The following HMG20A variants were observed in gnomAD, a reference collection of about 807,000 sequenced individuals.
HMG20A encodes high mobility group 20A, also known as high mobility group protein 20A.
HMG20A carries 17 observed loss-of-function variants against 43.9 expected under a neutral mutation model. That is an observed-to-expected ratio of 0.39 (90% CI 0.27 to 0.58). The LOEUF (loss-of-function observed/expected upper bound fraction) is 0.58. Among genes scored for constraint, HMG20A ranks in the 20% least tolerant of loss-of-function variants. HMG20A has a pLI of 0.59. For missense variants in HMG20A, 341 were observed against 438.2 expected (o/e 0.78, Z 1.98); for synonymous variants, 132 against 147.5 (o/e 0.89, Z 0.76).
At chr15:77,451,980 C>T (rs1196659058) in intron 1 of HMG20A, among the ~76,000 whole-genome samples, 1 of 152,122 alleles carries the variant, frequency 6.6e-6, no homozygotes, top group Non-Finnish European at 1.5e-5. Flanking sequence ...TAGTCTCACT[C>T]CTTACAAATA....
At chr15:77,430,876 A>G (rs1211305238) in intron 1 of HMG20A, among the ~76,000 whole-genome samples, 3 of 152,232 alleles carry the variant, frequency 2.0e-5, no homozygotes, top group African/African-American at 7.2e-5. Flanking sequence ...GAAGTCTAAC[A>G]TACATATGAC....
At chr15:77,436,776 C>T (rs2073553578) in intron 1 of HMG20A, among the ~76,000 whole-genome samples, 1 of 152,130 alleles carries the variant, frequency 6.6e-6, no homozygotes, top group South Asian at 2.1e-4. Flanking sequence ...CATTCTTACA[C>T]ATCTATTCTT....
At chr15:77,509,484 A>T in the HMG20A span, among the ~76,000 whole-genome samples, 11,897 of 150,268 alleles carry the variant, frequency 0.079, 599 homozygotes, top group Non-Finnish European at 0.11. Context: ...TGAAATCCTG[A>T]TCTCAGGTGA....
chr15:77,499,534 C>A, the HMG20A span, among the ~76,000 whole-genome samples: 844 of 150,964 alleles, frequency 5.6e-3, 13 homozygotes, highest in Admixed American at 0.022. Context: ...TGCTCCCCCC[C>A]ACACACACAC....
chr15:77,437,177 C>T (rs1363688842), intron 1 of HMG20A, among the ~76,000 whole-genome samples: 3 of 152,168 alleles, frequency 2.0e-5, no homozygotes, highest in African/African-American at 7.2e-5. Context: ...TGTTCTTTTC[C>T]TTCAGAGCAT....
chr15:77,498,438 C>G, the HMG20A span, among the ~76,000 whole-genome samples: 1 of 152,174 alleles, frequency 6.6e-6, no homozygotes, highest in Non-Finnish European at 1.5e-5. Flanking sequence ...TAATTTTACA[C>G]TCTGCAAAAC....
chr15:77,494,501 C>T, the HMG20A span, among the ~76,000 whole-genome samples: 4 of 152,168 alleles, frequency 2.6e-5, no homozygotes, highest in African/African-American at 9.7e-5. Context: ...CCAAGTGAGA[C>T]TTTTCCATTG....
At chr15:77,462,799 G>A (rs1448744866) in intron 2 of HMG20A, among the ~76,000 whole-genome samples, 4 of 125,122 alleles carry the variant, frequency 3.2e-5, no homozygotes, top group Non-Finnish European at 6.5e-5. Flanking sequence ...TTGAGACTGA[G>A]TCTTACTCTG....
the HMG20A span, among the ~76,000 whole-genome samples, chr15:77,503,930 G>C: frequency 1.3e-5 from 2 of 152,176 alleles, no homozygotes; most frequent in African/African-American, 2.4e-5. Context: ...TGTACACACA[G>C]CTCAAAAGCA....
At chr15:77,439,510 C>G (rs1312304757) in intron 1 of HMG20A, among the ~76,000 whole-genome samples, 1 of 152,082 alleles carries the variant, frequency 6.6e-6, no homozygotes, top group Non-Finnish European at 1.5e-5. Context: ...TCTCGTGGGT[C>G]TGGCTTCTTG....
At chr15:77,479,023 C>T (rs768298088) in intron 8 of HMG20A, among the ~76,000 whole-genome samples, 156 bp from the exon 9 acceptor site, 15 of 152,298 alleles carry the variant, frequency 9.8e-5, no homozygotes, top group Admixed American at 5.2e-4. Flanking sequence ...AGTATGTGGA[C>T]TAATTTCATT....
rs937332329 is a variant in HMG20A at position 77,471,647 on chromosome 15, C to A, written c.584-136C>A. On this transcript the variant is annotated intron_variant, in intron 5 of 9. Coordinates refer to ENST00000336216, the MANE Select transcript of HMG20A (RefSeq NM_001304504.2). Reference sequence around the variant, plus strand: ...TTTGTTGGCTGACCGATTAATAAAGCCTTAAGGAAAAATATCATATGTTAT... The same window carrying A: ...TTTGTTGGCTGACCGATTAATAAAGACTTAAGGAAAAATATCATATGTTAT... 6.2e-6 allele frequency: 4 copies of A among 641,066 alleles called. No individual in the cohort carries two copies. The East Asian group carries it at 1.2e-4, about 19-fold the overall frequency. The allele number at this position is 641,066 out of a possible 1,614,324, so 39.7% of individuals were successfully genotyped here.
intron 2 of HMG20A, among the ~76,000 whole-genome samples, chr15:77,463,774 A>G (rs571935647): frequency 2.6e-5 from 4 of 152,248 alleles, no homozygotes; most frequent in Admixed American, 2.0e-4. Context: ...GAAATAGCCA[A>G]TGAAATGTAC....
the HMG20A span, among the ~76,000 whole-genome samples, chr15:77,512,972 G>C: frequency 2.0e-5 from 3 of 152,054 alleles, no homozygotes; most frequent in African/African-American, 7.2e-5. Flanking sequence ...CCCAAAACAC[G>C]TTAACATCAG....
intron 1 of HMG20A, 179 bp downstream of exon 1, chr15:77,421,183 C>G (rs1054467922): frequency 8.6e-6 from 3 of 349,722 alleles, no homozygotes; most frequent in African/African-American, 6.4e-5. Flanking sequence ...AGGGGGGACA[C>G]CCTCACTTCC....
chr15:77,513,214 T>C, the HMG20A span, among the ~76,000 whole-genome samples: 1 of 152,202 alleles, frequency 6.6e-6, no homozygotes, highest in South Asian at 2.1e-4. Flanking sequence ...TAAGAGAGCA[T>C]CCTACCTTCA....
Position 77,464,378 on chromosome 15 carries a change from T to A in HMG20A, c.228T>A (p.His76Gln). The stretch of plus-strand genomic sequence containing the variant: ...CAGCAGAAGGCAATGAACAGAGGCA[T>A]GAAGATGAGGTAAGCTGAAGTATCT... ...SNAAEGNEQRHEDEQRSKRGG... is the reference protein window; with the variant it reads ...SNAAEGNEQRQEDEQRSKRGG... Residue 76 changes from histidine to glutamine, a missense_variant, in exon 3 of 10, where the codon CAT becomes CAA. Physicochemically the swap from His to Gln is conservative, Grantham distance 24. Around this residue, in one of 3 missense-constraint regions of HMG20A, gnomAD observed 220 missense variants for 263.6 expected, o/e 0.83. Transcript: ENST00000336216. 1 of 1,613,554 alleles carries A rather than the reference T, an allele frequency of 6.2e-7. No individual in the cohort carries two copies.
chr15:77,503,469 A>G, the HMG20A span, among the ~76,000 whole-genome samples: 11 of 151,964 alleles, frequency 7.2e-5, no homozygotes, highest in Non-Finnish European at 1.3e-4. Flanking sequence ...TCCCAAGCTT[A>G]CCTCCTGAAA....
the HMG20A span, among the ~76,000 whole-genome samples, chr15:77,519,929 G>C: frequency 1.3e-5 from 2 of 152,142 alleles, no homozygotes; most frequent in African/African-American, 4.8e-5. Flanking sequence ...GGCCAGGCAC[G>C]GTGGCTCATG....
Sources: allele counts gnomAD v4.1 joint callset (sites outside exome capture counted in the v4.1 genomes callset), GRCh38; gene constraint gnomAD v4.1.1; regional missense constraint gnomAD v4.1.1; transcripts MANE v1.5; gene names NCBI Gene and HGNC (gene_info 2026-07-23, HGNC 2026-07-21).